The following ZFYVE1 variants were observed in gnomAD, a reference collection of about 807,000 sequenced individuals.
The protein encoded by ZFYVE1 is zinc finger FYVE-type containing 1.
A neutral mutation model predicts 74.4 loss-of-function variants in ZFYVE1; 30 were observed. The ratio of observed to expected loss-of-function variants is 0.40; its 90% CI spans 0.30 to 0.55. The LOEUF (loss-of-function observed/expected upper bound fraction) is 0.55. Ranked by LOEUF, ZFYVE1 falls within the 20% of genes least tolerant of loss-of-function variation. ZFYVE1 has a pLI of 0.42. For missense variants in ZFYVE1, 703 were observed against 1,011.6 expected (o/e 0.69, Z 4.14); for synonymous variants, 335 against 385.1 (o/e 0.87, Z 1.52).
intron 5 of ZFYVE1, among the ~76,000 whole-genome samples, chr14:72,979,626 C>G (rs913610907): frequency 3.3e-5 from 5 of 151,448 alleles, no homozygotes; most frequent in African/African-American, 1.2e-4. Context: ...TATACTCCAG[C>G]CTGGGCAACA....
At chr14:72,999,328 A>T (rs143877172) in intron 2 of ZFYVE1, among the ~76,000 whole-genome samples, 1 of 151,832 alleles carries the variant, frequency 6.6e-6, no homozygotes, top group African/African-American at 2.4e-5. Flanking sequence ...TCAGGAGGCT[A>T]TGGCAGGAGA....
At position 72,969,623 on chromosome 14, in the gene ZFYVE1, G is replaced by A; in HGVS notation, c.*1259C>T. The A allele has an allele frequency of 1.5e-6, 1 of 688,446 alleles. No individual in the cohort carries two copies. The highest frequency in any genetic ancestry group is 2.6e-6 in the Non-Finnish European group (1 of 378,562). The allele number at this position is 688,446 out of a possible 1,614,324, so 42.6% of individuals were successfully genotyped here. A position where few individuals can be genotyped will look rare whatever the true frequency, so the allele number is the denominator to read the frequency against. ...AATGACCGCCATATACTTCCCTAAA[G>A]CTCAACCCACCCACCAGTTCAGTTA... is the stretch of plus-strand genomic sequence containing the variant. On this transcript the variant is annotated 3_prime_UTR_variant, in exon 12 of 12. Coordinates refer to ENST00000556143, the MANE Select transcript of ZFYVE1 (RefSeq NM_021260.4).
chr14:73,022,353 G>T (rs1894335916), intron 2 of ZFYVE1, among the ~76,000 whole-genome samples: 1 of 152,276 alleles, frequency 6.6e-6, no homozygotes, highest in South Asian at 2.1e-4. Flanking sequence ...AAAATATTAG[G>T]TGGGTAATTA....
intron 3 of ZFYVE1, 133 bp from the exon 4 acceptor site, chr14:72,993,490 G>T: frequency 1.4e-6 from 1 of 700,768 alleles, no homozygotes; most frequent in Non-Finnish European, 2.3e-6. Flanking sequence ...ATCACCCGAG[G>T]TCAGGAGTTC....
At position 72,975,680 on chromosome 14, in the gene ZFYVE1, G is replaced by A. The variant is rs1298314609; in HGVS notation, c.1677C>T (p.Arg559=). Residue 559 remains arginine (R), a synonymous_variant, in exon 9 of 12, where the codon CGC becomes CGT. Coordinates refer to ENST00000556143, the MANE Select transcript of ZFYVE1 (RefSeq NM_021260.4). The surrounding 1 kb of genome is among the most constrained non-coding windows in gnomAD (Gnocchi z 4.1). ...CCATGAAGTTCATCCCGTCCAACAG[G>A]CGCTGGGCAGCATTGTTGTTGTCCT... ...FLKDNNNAAQ[R]LLDGMNFMAQ... 19 of 1,614,024 alleles carry A rather than the reference G, an allele frequency of 1.2e-5. No individual in the cohort carries two copies. Among genetic ancestry groups the A allele is most frequent in the Non-Finnish European group, 1.5e-5 (18 of 1,180,034 alleles).
At position 73,016,037 on chromosome 14, in the gene ZFYVE1, G is replaced by A. The variant is rs898010773; in HGVS notation, c.483+7989C>T. ...GGTTAACATTCTAATACAACAAGAT[G>A]TCTGACTCCCATACAAGACCCAAGA... On this transcript the variant is annotated intron_variant, in intron 2 of 11. Transcript: ENST00000556143. Among the ~76,000 whole-genome samples, 36 of 152,246 alleles carry A rather than the reference G, an allele frequency of 2.4e-4. 1 individual carries two copies. Among genetic ancestry groups the A allele is most frequent in the African/African-American group, 8.4e-4 (35 of 41,554 alleles).
At chr14:73,021,730 GAAATGTGGGAAGA>G (rs1894323179) in intron 2 of ZFYVE1, among the ~76,000 whole-genome samples, 1 of 152,058 alleles carries the variant, frequency 6.6e-6, no homozygotes, top group Non-Finnish European at 1.5e-5. Context: ...ATGAATGGAG[GAAATGTGGGAAGA>G]ATCTTTACAA....
At chr14:72,992,553 G>A (rs1301300474) in intron 4 of ZFYVE1, among the ~76,000 whole-genome samples, 1 of 148,386 alleles carries the variant, frequency 6.7e-6, no homozygotes, top group East Asian at 1.9e-4. Context: ...GTGTTATTGT[G>A]TATCTATTTT....
chr14:72,997,283 T>C (rs1191546012), intron 3 of ZFYVE1, among the ~76,000 whole-genome samples: 6 of 152,206 alleles, frequency 3.9e-5, no homozygotes, highest in Non-Finnish European at 7.3e-5. Context: ...AAATCCCACA[T>C]CAGCCTCCAG....
chr14:73,002,742 T>TA (rs67481733), intron 2 of ZFYVE1, among the ~76,000 whole-genome samples: 1 of 56,230 alleles, frequency 1.8e-5, no homozygotes, highest in Non-Finnish European at 5.3e-5. Flanking sequence ...TTGCTTTTTC[T>TA]TTTTTTTTTT....
chr14:72,990,377 T>C (rs1594842760), intron 4 of ZFYVE1, among the ~76,000 whole-genome samples: 1 of 151,050 alleles, frequency 6.6e-6, no homozygotes, highest in Non-Finnish European at 1.5e-5. Flanking sequence ...CCAGGAATCA[T>C]CAGAATTCCA....
chr14:73,009,793 T>G (rs985296566), intron 2 of ZFYVE1, among the ~76,000 whole-genome samples: 3 of 151,890 alleles, frequency 2.0e-5, no homozygotes, highest in Admixed American at 6.6e-5. Context: ...TGGGAAGGTT[T>G]CCAATAAATG....
chr14:73,017,375 C>T (rs1443061714), intron 2 of ZFYVE1, among the ~76,000 whole-genome samples: 3 of 152,166 alleles, frequency 2.0e-5, no homozygotes, highest in African/African-American at 7.2e-5. Flanking sequence ...AGCATGCTCC[C>T]CCAAAAGCTC....
chr14:72,982,688 C>T (rs1893366390), intron 4 of ZFYVE1, among the ~76,000 whole-genome samples: 1 of 152,100 alleles, frequency 6.6e-6, no homozygotes, highest in African/African-American at 2.4e-5. Context: ...TCAGTCCAGC[C>T]CCAGTGTGAA....
In ZFYVE1 at chr14:73,024,895, G is replaced by A. The variant is rs1052584998; in HGVS notation, c.-387C>T. The A allele has an allele frequency of 4.8e-5, 8 of 167,078 alleles. No homozygotes were observed. Among genetic ancestry groups the A allele is most frequent in the Non-Finnish European group, 8.9e-5 (7 of 78,544 alleles). The allele number at this position is 167,078 out of a possible 1,614,324, so 10.3% of individuals were successfully genotyped here. A position where few individuals can be genotyped will look rare whatever the true frequency, so the allele number is the denominator to read the frequency against. ...TTTTGGTAATGAAAGAAAGTGGTCA[G>A]GAGCTTTTCAATATAATTCGACCTG... On this transcript the variant is annotated 5_prime_UTR_variant, in exon 2 of 12. Transcript: ENST00000556143.
intron 2 of ZFYVE1, among the ~76,000 whole-genome samples, chr14:72,999,494 G>C (rs1399391773): frequency 6.6e-6 from 1 of 152,114 alleles, no homozygotes; most frequent in Non-Finnish European, 1.5e-5. Context: ...GGCTGAGGTG[G>C]GAAGATGGCT....
chr14:73,010,445 T>C (rs1567361065), intron 2 of ZFYVE1, among the ~76,000 whole-genome samples: 1 of 151,972 alleles, frequency 6.6e-6, no homozygotes, highest in Non-Finnish European at 1.5e-5. Context: ...CTACTAAAAA[T>C]ACAAAATTAG....
At chr14:72,974,337 G>A (rs1455932611) in intron 10 of ZFYVE1, 144 bp from the exon 11 acceptor site, 5 of 751,382 alleles carry the variant, frequency 6.7e-6, no homozygotes, top group Non-Finnish European at 9.0e-6. Context: ...TCTGTGCTGT[G>A]GGTCAGGTCA....
chr14:72,982,692 G>A (rs1220388666), intron 4 of ZFYVE1, among the ~76,000 whole-genome samples: 1 of 152,198 alleles, frequency 6.6e-6, no homozygotes, highest in Non-Finnish European at 1.5e-5. Flanking sequence ...TCCAGCCCCA[G>A]TGTGAAGAAG....
Sources: allele counts gnomAD v4.1 joint callset (sites outside exome capture counted in the v4.1 genomes callset), GRCh38; gene constraint gnomAD v4.1.1; non-coding constraint Gnocchi (gnomAD v3.1); transcripts MANE v1.5; gene names NCBI Gene and HGNC (gene_info 2026-07-23, HGNC 2026-07-21).